NUBP2: variants seen among roughly 807,000 people sequenced by gnomAD.
NUBP2 encodes NUBP iron-sulfur cluster assembly factor 2, cytosolic.
In NUBP2, 23 loss-of-function variants were observed where a neutral mutation model predicts 24.9. That is an observed-to-expected ratio of 0.92 (90% CI 0.66 to 1.31). The LOEUF (loss-of-function observed/expected upper bound fraction) is 1.31. Ranked by LOEUF, NUBP2 falls within the 50% of genes most tolerant of loss-of-function variation. The probability of loss-of-function intolerance (pLI) is 0.00; values close to 1 mark genes in which losing one functional copy is unlikely to be tolerated. For missense variants in NUBP2, 403 were observed against 386.5 expected (o/e 1.04, Z -0.36); for synonymous variants, 186 against 170.9 (o/e 1.09, Z -0.69).
intron 1 of NUBP2, chr16:1,784,730 A>C (rs1193451001): frequency 2.0e-5 from 3 of 151,248 alleles, no homozygotes; most frequent in Non-Finnish European, 2.9e-5. Context: ...AACGGGGAAA[A>C]TATGCACATA....
At chr16:1,788,476 TAA>T in intron 6 of NUBP2, 91 bp from the exon 7 acceptor site, 6 of 1,446,692 alleles carry the variant, frequency 4.1e-6, no homozygotes, top group Non-Finnish European at 4.5e-6. Context: ...CAATCCCCTC[TAA>T]GGCCACGGGT....
In NUBP2 at chr16:1,787,963, G is replaced by C. The variant is rs1897065050; in HGVS notation, c.512G>C (p.Arg171Thr). ...CAGGCGGTGTCCGTGGGGGACGTGAGGCGCGAGCTGACCTTCTGTAGGAAG... is the reference window on the plus strand; with the variant it reads ...CAGGCGGTGTCCGTGGGGGACGTGACGCGCGAGCTGACCTTCTGTAGGAAG... Reference protein sequence around the residue: ...TPQAVSVGDVRRELTFCRKTG... With the variant: ...TPQAVSVGDVTRELTFCRKTG... Residue 171 changes from arginine to threonine, a missense_variant, in exon 5 of 7, where the codon AGG becomes ACG. Coordinates refer to ENST00000262302, the MANE Select transcript of NUBP2 (RefSeq NM_012225.4). 1 of 1,604,780 alleles carries C rather than the reference G, an allele frequency of 6.2e-7. No homozygotes were observed. Among genetic ancestry groups the C allele is most frequent in the Non-Finnish European group, 8.5e-7 (1 of 1,177,334 alleles).
At chr16:1,787,369 TC>T in intron 3 of NUBP2, 1 of 473,066 alleles carries the variant, frequency 2.1e-6, no homozygotes, top group Non-Finnish European at 3.8e-6. Context: ...ATGTGGGTGC[TC>T]CCATGTGTGG....
Position 1,786,705 on chromosome 16 carries a change from C to A in NUBP2, c.135+50C>A, listed in dbSNP as rs775786008. The A allele has an allele frequency of 2.5e-6, 4 of 1,611,758 alleles. No individual in the cohort carries two copies. The African/African-American group carries it at 5.3e-5, about 21-fold the overall frequency. On this transcript the variant is annotated intron_variant, in intron 2 of 6. Coordinates refer to ENST00000262302, the MANE Select transcript of NUBP2 (RefSeq NM_012225.4). ...CGGAGCCCCGGGCAGCTGCCCGCAT[C>A]CCGGTGGAGGCCTGGCGGTGCCCCC... is the stretch of plus-strand genomic sequence containing the variant.
In NUBP2 at chr16:1,783,037, G is replaced by A; in HGVS notation, c.16+1G>A. 4 of 1,360,784 alleles carry A rather than the reference G, an allele frequency of 2.9e-6. No homozygotes were observed. The highest frequency in any genetic ancestry group is 3.8e-6 in the Non-Finnish European group (4 of 1,051,660). The allele number at this position is 1,360,784 out of a possible 1,614,324, so 84.3% of individuals were successfully genotyped here. ...GGCGGCGGGATGGAGGCGGCGGCCG[G>A]TGAGTGGCGGGCCAGGGTGCGGAGC... On this transcript the variant is annotated splice_donor_variant, in intron 1 of 6. Coordinates refer to ENST00000262302, the MANE Select transcript of NUBP2 (RefSeq NM_012225.4). LOFTEE classifies it high-confidence loss of function.
intron 6 of NUBP2, 31 bp from the exon 7 acceptor site, chr16:1,788,538 A>G: frequency 1.9e-6 from 3 of 1,575,086 alleles, no homozygotes; most frequent in East Asian, 4.6e-5. Flanking sequence ...AGGTGCGGAC[A>G]TGGCGCCACC....
intron 1 of NUBP2, chr16:1,784,365 C>T (rs1191526956): frequency 6.6e-6 from 1 of 152,160 alleles, no homozygotes; most frequent in African/African-American, 2.4e-5. Context: ...GCTGGGATTA[C>T]TGGCGTGAGT....
intron 1 of NUBP2, chr16:1,784,164 C>T: frequency 2.2e-6 from 1 of 451,600 alleles, no homozygotes; most frequent in Non-Finnish European, 2.9e-6. Flanking sequence ...GATCATAACT[C>T]ACTGCAGCCT....
chr16:1,785,135 G>C (rs953923648), intron 1 of NUBP2: 3 of 990,030 alleles, frequency 3.0e-6, no homozygotes, highest in Non-Finnish European at 3.6e-6. Context: ...AAAGCTGACC[G>C]GGACTCATTG....
chr16:1,787,603 T>C, intron 3 of NUBP2, 74 bp from the exon 4 acceptor site: 1 of 1,568,646 alleles, frequency 6.4e-7, no homozygotes, highest in South Asian at 1.1e-5. Context: ...CTGACCTGGC[T>C]GGTTCTTAGT....
In NUBP2 at chr16:1,786,840, C is replaced by A; in HGVS notation, c.219C>A (p.Asp73Glu). Residue 73 changes from aspartate (D) to glutamate (E), a missense_variant, in exon 3 of 7, where the codon GAC (aspartate) becomes GAA (glutamate). Asp to Glu is a conservative substitution (Grantham distance 45, BLOSUM62 2). Transcript: ENST00000262302. ...GAQGRAVHQCDRGWAPVFLDR... is the reference protein window; with the variant it reads ...GAQGRAVHQCERGWAPVFLDR... ...AGGGCAGGGCTGTGCACCAGTGCGACCGCGGCTGGGCACCCGTCTTCCTGG... is the reference window on the plus strand; with the variant it reads ...AGGGCAGGGCTGTGCACCAGTGCGAACGCGGCTGGGCACCCGTCTTCCTGG... The A allele has an allele frequency of 1.3e-6, 2 of 1,598,332 alleles. No homozygotes were observed. The highest frequency in any genetic ancestry group is 1.1e-5 in the South Asian group (1 of 90,494).
In NUBP2 at chr16:1,787,900, G is replaced by C. The variant is rs575095279; in HGVS notation, c.490-41G>C. ...AGAGGGCTGGGCGGGTGTCCCTGCT[G>C]GTGCGCCTGGCTGACCGTGGCCTCG... On this transcript the variant is annotated intron_variant, in intron 4 of 6. Coordinates refer to ENST00000262302, the MANE Select transcript of NUBP2 (RefSeq NM_012225.4). 41 of 1,599,166 alleles carry C rather than the reference G, an allele frequency of 2.6e-5. 1 individual carries two copies. In the South Asian group the frequency reaches 4.1e-4, roughly 16 times the overall value.
chr16:1,784,081 G>A, intron 1 of NUBP2: 1 of 942,816 alleles, frequency 1.1e-6, no homozygotes, highest in Non-Finnish European at 1.3e-6. Flanking sequence ...GGATATTACT[G>A]AGATTGATAG....
chr16:1,787,832 G>A lies in NUBP2; in HGVS notation c.489+1G>A, dbSNP rs1484576338. On this transcript the variant is annotated splice_donor_variant, in intron 4 of 6. Transcript: ENST00000262302. LOFTEE classifies it high-confidence loss of function. ...GGCCCTCGTGGTCACCACGCCCCAG[G>A]TAGCGCTGCGGCACCTTCCCGAGTC... is the stretch of plus-strand genomic sequence containing the variant. The A allele has an allele frequency of 3.1e-6, 5 of 1,609,354 alleles. No individual in the cohort carries two copies. The South Asian group carries it at 4.4e-5, about 14-fold the overall frequency.
intron 1 of NUBP2, chr16:1,783,358 C>T (rs1896811767): frequency 9.1e-7 from 1 of 1,093,280 alleles, no homozygotes; most frequent in Non-Finnish European, 1.1e-6. Flanking sequence ...CTGGAGGTCG[C>T]GGTTGCAACT....
Position 1,786,620 on chromosome 16 carries a change from G to T in NUBP2, c.100G>T (p.Glu34Ter), listed in dbSNP as rs1299724188. 3.7e-6 allele frequency: 6 copies of T among 1,612,688 alleles called. No individual in the cohort carries two copies. In the African/African-American group the frequency reaches 4.0e-5, roughly 11 times the overall value. ...GGVGKSTISTELALALRHAGK... is the reference protein window; with the variant it reads ...GGVGKSTIST ...CGTTGGGAAAAGCACCATCTCCACG[G>T]AGCTGGCCCTGGCACTGCGCCATGC... The change falls in exon 2 of 7, where the codon GAG becomes TAG. Residue 34 changes from glutamate to a stop codon, truncating the protein, a stop_gained. Transcript: ENST00000262302. LOFTEE classifies it high-confidence loss of function.
intron 1 of NUBP2, chr16:1,785,937 C>A: frequency 7.9e-7 from 1 of 1,262,554 alleles, no homozygotes; most frequent in Non-Finnish European, 1.0e-6. Context: ...GGTATCTGCA[C>A]ACAGCAGCCC....
chr16:1,785,249 T>C (rs1896907357), intron 1 of NUBP2: 32 of 1,024,576 alleles, frequency 3.1e-5, no homozygotes, highest in South Asian at 3.6e-5. Context: ...TGACTGTGCT[T>C]TGCTGACAAT....
chr16:1,786,932 T>C lies in NUBP2; in HGVS notation c.311T>C (p.Val104Ala), dbSNP rs1596874514. 6.5e-7 allele frequency: 1 copy of C among 1,527,476 alleles called. No individual in the cohort carries two copies. Among genetic ancestry groups the C allele is most frequent in the Non-Finnish European group, 8.8e-7 (1 of 1,134,296 alleles). 94.6% of individuals were successfully genotyped at this position (1,527,476 alleles called of 1,614,324 possible). ...CTGGAGAAGCCGGACGAGGCCGTGGTGTGGAGAGGCCCCAAGAAAAACGGT... is the reference window on the plus strand; with the variant it reads ...CTGGAGAAGCCGGACGAGGCCGTGGCGTGGAGAGGCCCCAAGAAAAACGGT... The part of the protein sequence containing the change: ...FLLEKPDEAV[V>A]WRGPKKNALI... Residue 104 changes from valine to alanine, a missense_variant, in exon 3 of 7, where the codon GTG becomes GCG. Transcript: ENST00000262302.
Sources: gnomAD v4.1 joint callset for allele counts on GRCh38, gnomAD v4.1.1 for gene constraint, MANE v1.5 for transcripts, NCBI Gene and HGNC (gene_info 2026-07-23, HGNC 2026-07-21) for gene names.